The following PCGF2 variants were observed in gnomAD, a reference collection of about 807,000 sequenced individuals.
The protein encoded by PCGF2 is polycomb group RING finger protein 2.
In PCGF2, 8 loss-of-function variants were observed where a neutral mutation model predicts 36.1. The ratio of observed to expected loss-of-function variants is 0.22; its 90% CI spans 0.13 to 0.40. PCGF2 has a LOEUF of 0.40. PCGF2 is among the 10% of genes least tolerant of loss of function. PCGF2 has a pLI of 1.00. For synonymous variants in PCGF2, 198 were observed against 191.2 expected, an observed-to-expected ratio of 1.04 and a Z score of -0.29; for missense variants, 436 against 475.9, an observed-to-expected ratio of 0.92 and a Z score of 0.78.
Position 38,734,971 on chromosome 17 carries a change from A to G in PCGF2, c.*252T>C. Reference sequence around the variant, plus strand: ...ACCCCCCCCAAAAAAAATGAACACCATTTTCCACACATACACACACACATA... The same window carrying G: ...ACCCCCCCCAAAAAAAATGAACACCGTTTTCCACACATACACACACACATA... On this transcript the variant is annotated 3_prime_UTR_variant, in exon 11 of 11. Coordinates refer to ENST00000620225, the MANE Select transcript of PCGF2 (RefSeq NM_007144.3). 1 of 301,466 alleles carries G rather than the reference A, an allele frequency of 3.3e-6. No individual in the cohort carries two copies. Among genetic ancestry groups the G allele is most frequent in the Non-Finnish European group, 6.0e-6 (1 of 166,312 alleles). 18.7% of individuals were successfully genotyped at this position (301,466 alleles called of 1,614,324 possible).
chr17:38,741,630 T>C (rs919223723), intron 2 of PCGF2, among the ~76,000 whole-genome samples: 3 of 152,106 alleles, frequency 2.0e-5, no homozygotes, highest in Admixed American at 2.0e-4. Flanking sequence ...TTGGAGCACC[T>C]CCCTCCTCTA....
At chr17:38,749,567 C>G (rs1486713074), upstream of PCGF2, 5 of 450,516 alleles carry the variant, frequency 1.1e-5, no homozygotes, top group Admixed American at 1.2e-4. The surrounding 1 kb of genome is among the most constrained non-coding windows in gnomAD (Gnocchi z 6.5). Flanking sequence ...GCGTCTGTCC[C>G]TCCAGAGAGC....
In PCGF2 at chr17:38,735,554, C is replaced by T. The variant is rs535420083; in HGVS notation, c.704G>A (p.Arg235Gln). 7.6e-6 allele frequency: 12 copies of T among 1,584,578 alleles called. No homozygotes were observed. Among genetic ancestry groups the T allele is most frequent in the South Asian group, 2.3e-5 (2 of 87,112 alleles). The change falls in exon 11 of 11, where the codon CGG (arginine) becomes CAG (glutamine). Residue 235 changes from arginine (R) to glutamine (Q), a missense_variant. Coordinates refer to ENST00000620225, the MANE Select transcript of PCGF2 (RefSeq NM_007144.3). Reference protein sequence around the residue: ...LKYRVQPACKRLTLATVPTPS... With the variant: ...LKYRVQPACKQLTLATVPTPS... ...GGTGGGCACCGTGGCTAGGGTGAGC[C>T]GCTTGCAGGCTGGCTGGACACGGTA...
rs774589549 is a variant in PCGF2 at position 38,735,388 on chromosome 17, A to T, written c.870T>A (p.His290Gln). ...AGGTAGGGTGGGTGGCTGGAGGCCC[A>T]TGGGAACTGGGAGAGCCATGGGATG... is the stretch of plus-strand genomic sequence containing the variant. Reference protein sequence around the residue: ...ATPSHGSPSSHGPPATHPTSP... With the variant: ...ATPSHGSPSSQGPPATHPTSP... The change falls in exon 11 of 11, where the codon CAT (histidine) becomes CAA (glutamine). Residue 290 changes from histidine to glutamine, a missense_variant. His to Gln is a conservative substitution (Grantham distance 24, BLOSUM62 0). Around this residue, in one of 3 missense-constraint regions of PCGF2, gnomAD observed 227 missense variants for 212.9 expected, o/e 1.07. Transcript: ENST00000620225. 4 of 1,568,296 alleles carry T rather than the reference A, an allele frequency of 2.6e-6. No homozygotes were observed. The highest frequency in any genetic ancestry group is 1.7e-6 in the Non-Finnish European group (2 of 1,155,746).
At chr17:38,740,202 G>A (rs758621542) in intron 3 of PCGF2, 89 bp downstream of exon 3, 28 of 1,204,646 alleles carry the variant, frequency 2.3e-5, no homozygotes, top group Non-Finnish European at 3.2e-5. Context: ...TAGGGCAAGG[G>A]TTTGCGTGCT....
upstream of PCGF2, among the ~76,000 whole-genome samples, chr17:38,749,030 C>T (rs1319738572): frequency 2.0e-5 from 3 of 152,194 alleles, no homozygotes; most frequent in Middle Eastern, 6.8e-3. This position sits in a 1 kb window ranked among gnomAD's most constrained non-coding sequence, Gnocchi z 6.5. Context: ...TGGGGGGCCT[C>T]GCCGCGGGGG....
At chr17:38,748,965 G>A (rs1645851533), upstream of PCGF2, among the ~76,000 whole-genome samples, 1 of 152,196 alleles carries the variant, frequency 6.6e-6, no homozygotes, top group Non-Finnish European at 1.5e-5. Flanking sequence ...TCCAGCCTGG[G>A]CGCCTGGCAG....
In PCGF2 at chr17:38,739,315, T is replaced by G. The variant is rs2143097735; in HGVS notation, c.210-62A>C. 2.7e-6 allele frequency: 4 copies of G among 1,466,948 alleles called. No homozygotes were observed. Among genetic ancestry groups the G allele is most frequent in the Non-Finnish European group, 3.8e-6 (4 of 1,048,006 alleles). 90.9% of individuals were successfully genotyped at this position (1,466,948 alleles called of 1,614,324 possible). On this transcript the variant is annotated intron_variant, in intron 4 of 10. Coordinates refer to ENST00000620225, the MANE Select transcript of PCGF2 (RefSeq NM_007144.3). This position sits in a 1 kb window ranked among gnomAD's most constrained non-coding sequence, Gnocchi z 4.0. ...TCTCCAGAGCGCTCCGACCTCGCCC[T>G]GCTCTCCCAGCCAGGGTACCCCTCT...
At chr17:38,743,037 T>G (rs1816298916) in intron 2 of PCGF2, among the ~76,000 whole-genome samples, 1 of 151,658 alleles carries the variant, frequency 6.6e-6, no homozygotes, top group Admixed American at 6.6e-5. Context: ...ACACTTCACA[T>G]CGTGCCCGAG....
chr17:38,745,847 G>A (rs1466972507), intron 2 of PCGF2, among the ~76,000 whole-genome samples: 1 of 152,190 alleles, frequency 6.6e-6, no homozygotes, highest in Admixed American at 6.5e-5. Flanking sequence ...GAGGCAGGAA[G>A]AGGAGGCACA....
chr17:38,734,945 G>T lies in PCGF2; in HGVS notation c.*278C>A. 3.6e-6 allele frequency: 1 copy of T among 279,734 alleles called. No individual in the cohort carries two copies. The highest frequency in any genetic ancestry group is 5.9e-5 in the East Asian group (1 of 16,936). The allele number at this position is 279,734 out of a possible 1,614,324, so 17.3% of individuals were successfully genotyped here. On this transcript the variant is annotated 3_prime_UTR_variant, in exon 11 of 11. Transcript: ENST00000620225. ...CCCCCAAAAACAGCAAATTACACAA[G>T]ACCCCCCCCAAAAAAAATGAACACC...
At chr17:38,749,436 G>C (rs1285914669), upstream of PCGF2, 1 of 344,620 alleles carries the variant, frequency 2.9e-6, no homozygotes, top group Non-Finnish European at 6.0e-6. This position sits in a 1 kb window ranked among gnomAD's most constrained non-coding sequence, Gnocchi z 6.5. Flanking sequence ...GAAACGCCGG[G>C]AGTAGCGGTG....
At chr17:38,749,297 G>A (rs1266223357), upstream of PCGF2, 1 of 208,452 alleles carries the variant, frequency 4.8e-6, no homozygotes, top group Non-Finnish European at 1.0e-5. The surrounding 1 kb of genome is among the most constrained non-coding windows in gnomAD (Gnocchi z 6.5). Context: ...CTGGGCGCGC[G>A]GGCGGGAGAG....
chr17:38,735,351 G>T lies in PCGF2; in HGVS notation c.907C>A (p.Pro303Thr). Reference protein sequence around the residue: ...PATHPTSPTPPSTASGATTAA... With the variant: ...PATHPTSPTPTSTASGATTAA... The stretch of plus-strand genomic sequence containing the variant: ...GTGGTGGCCCCACTGGCTGTCGAAG[G>T]GGGAGTGGGGGAGGTAGGGTGGGTG... The change falls in exon 11 of 11, where the codon CCT (proline) becomes ACT (threonine). Residue 303 changes from proline (P) to threonine (T), a missense_variant. Transcript: ENST00000620225. The T allele has an allele frequency of 1.9e-6, 3 of 1,558,228 alleles. No homozygotes were observed. Among genetic ancestry groups the T allele is most frequent in the South Asian group, 2.4e-5 (2 of 84,552 alleles).
In PCGF2 at chr17:38,739,604, C is replaced by T. The variant is rs1270907226; in HGVS notation, c.191G>A (p.Arg64Gln). The change falls in exon 4 of 11, where the codon CGG becomes CAG. Residue 64 changes from arginine (R) to glutamine (Q), a missense_variant. Physicochemically the swap from Arg to Gln is conservative, Grantham distance 43 (BLOSUM62 1). Transcript: ENST00000620225. The surrounding 1 kb of genome is among the most constrained non-coding windows in gnomAD (Gnocchi z 4.0). ...AGCCCACCTGATGCTCAGCAGCGGC[C>T]GGGTTTTATGGACCTGCACGTCACA... The part of the protein sequence containing the change: ...PMCDVQVHKT[R>Q]PLLSIRSDKT... 1.5e-5 allele frequency: 24 copies of T among 1,613,804 alleles called. No homozygotes were observed. The highest frequency in any genetic ancestry group is 1.8e-5 in the Non-Finnish European group (21 of 1,179,768).
intron 9 of PCGF2, among the ~76,000 whole-genome samples, chr17:38,737,455 CA>C (rs1470575393): frequency 6.6e-6 from 1 of 152,044 alleles, no homozygotes; most frequent in African/African-American, 2.4e-5. Context: ...AAAGGGGAAA[CA>C]AAAAAAGCAA....
intron 2 of PCGF2, among the ~76,000 whole-genome samples, chr17:38,742,371 C>A (rs1014267731): frequency 6.6e-6 from 1 of 152,214 alleles, no homozygotes; most frequent in African/African-American, 2.4e-5. Flanking sequence ...TCAGCAGTTT[C>A]TATAGAGACC....
In PCGF2 at chr17:38,739,259, G is replaced by A; in HGVS notation, c.210-6C>T. 6.2e-7 allele frequency: 1 copy of A among 1,613,344 alleles called. No homozygotes were observed. Among genetic ancestry groups the A allele is most frequent in the Non-Finnish European group, 8.5e-7 (1 of 1,179,464 alleles). On this transcript the variant is annotated splice_polypyrimidine_tract_variant and splice_region_variant and intron_variant, in intron 4 of 10. Coordinates refer to ENST00000620225, the MANE Select transcript of PCGF2 (RefSeq NM_007144.3). This position sits in a 1 kb window ranked among gnomAD's most constrained non-coding sequence, Gnocchi z 4.0. ...CTTGAAGTGTTTTGTCAGACCTGGG[G>A]AAAAATGGACAGGGCTTATCAGCAA...
In PCGF2 at chr17:38,739,836, A is replaced by T. The variant is rs1227227188; in HGVS notation, c.113-154T>A. On this transcript the variant is annotated intron_variant, in intron 3 of 10. Coordinates refer to ENST00000620225, the MANE Select transcript of PCGF2 (RefSeq NM_007144.3). The surrounding 1 kb of genome is among the most constrained non-coding windows in gnomAD (Gnocchi z 4.0). ...GCGATGTGTGTTCTGCACGTGTGGT[A>T]CCTGTCCTTGTGCACTGTTGAGGGA... Among the ~76,000 whole-genome samples the T allele has an allele frequency of 1.3e-5, 2 of 152,082 alleles. No individual in the cohort carries two copies. Among genetic ancestry groups the T allele is most frequent in the Non-Finnish European group, 2.9e-5 (2 of 68,016 alleles).
Sources: gnomAD v4.1 joint callset for allele counts (sites outside exome capture counted in the v4.1 genomes callset) on GRCh38, gnomAD v4.1.1 for gene constraint, gnomAD v4.1.1 regional missense constraint, Gnocchi (gnomAD v3.1) non-coding constraint, MANE v1.5 for transcripts, NCBI Gene and HGNC (gene_info 2026-07-23, HGNC 2026-07-21) for gene names.